The following HOMER2 variants were observed in gnomAD, a reference collection of about 807,000 sequenced individuals.
HOMER2 encodes homer scaffold protein 2, also known as homer protein homolog 2.
HOMER2 carries 27 observed loss-of-function variants against 47.0 expected under a neutral mutation model. The observed-to-expected ratio is 0.57, with a 90% CI of 0.42 to 0.79. HOMER2 has a LOEUF of 0.79. Ranked by LOEUF, HOMER2 falls within the 30% of genes least tolerant of loss-of-function variation. The probability of loss-of-function intolerance (pLI) is 0.00; values close to 1 mark genes in which losing one functional copy is unlikely to be tolerated. For synonymous variants in HOMER2, 161 were observed against 163.8 expected, an observed-to-expected ratio of 0.98 and a Z score of 0.13; for missense variants, 443 against 435.0, an observed-to-expected ratio of 1.02 and a Z score of -0.16.
chr15:82,921,750 C>A (rs2053734063), intron 1 of HOMER2, among the ~76,000 whole-genome samples: 1 of 152,160 alleles, frequency 6.6e-6, no homozygotes, highest in East Asian at 1.9e-4. Flanking sequence ...GGTCAGCTAC[C>A]CCAACTCCCT....
At chr15:82,960,548 T>C (rs1326293157) in intron 1 of HOMER2, among the ~76,000 whole-genome samples, 2 of 152,194 alleles carry the variant, frequency 1.3e-5, no homozygotes, top group Admixed American at 6.5e-5. Context: ...GAATTAAATA[T>C]CAACTTTTTA....
intron 1 of HOMER2, among the ~76,000 whole-genome samples, chr15:82,979,206 G>T (rs998075421): frequency 2.0e-4 from 30 of 152,262 alleles, no homozygotes; most frequent in African/African-American, 7.2e-4. Context: ...ACCTAGTCTT[G>T]GGTATATCTT....
chr15:82,951,898 G>A (rs191338200), intron 1 of HOMER2: 9 of 242,036 alleles, frequency 3.7e-5, no homozygotes, highest in African/African-American at 1.4e-4. Context: ...GAGAGACGCC[G>A]AGGGGAAAGC....
intron 3 of HOMER2, among the ~76,000 whole-genome samples, chr15:82,874,795 T>C (rs953861863): frequency 4.6e-5 from 7 of 152,196 alleles, no homozygotes; most frequent in African/African-American, 1.7e-4. Flanking sequence ...AGGGGTAACA[T>C]GCTTATTTCA....
At chr15:82,846,709 G>A (rs2051254665), downstream of HOMER2, 1 of 152,204 alleles carries the variant, frequency 6.6e-6, no homozygotes, top group Non-Finnish European at 1.5e-5. Flanking sequence ...GTGATGGCAG[G>A]CAGGAGAGAT....
At chr15:82,969,984 G>A (rs1036760451) in intron 1 of HOMER2, among the ~76,000 whole-genome samples, 1 of 152,210 alleles carries the variant, frequency 6.6e-6, no homozygotes, top group Admixed American at 6.5e-5. Context: ...TGGATGAAAA[G>A]AGACCTAGGA....
intron 1 of HOMER2, among the ~76,000 whole-genome samples, chr15:82,942,513 T>C (rs2054286479): frequency 6.6e-6 from 1 of 152,180 alleles, no homozygotes. Context: ...ACTTCTCCAC[T>C]AGCCTGTAAG....
downstream of HOMER2, among the ~76,000 whole-genome samples, chr15:82,957,969 C>T (rs2054600128): frequency 6.6e-6 from 1 of 152,204 alleles, no homozygotes; most frequent in Admixed American, 6.5e-5. Context: ...TCCCAAGTAG[C>T]TCGGATTAGA....
intron 3 of HOMER2, among the ~76,000 whole-genome samples, chr15:82,874,914 G>A (rs2052298247): frequency 6.6e-6 from 1 of 152,200 alleles, no homozygotes; most frequent in African/African-American, 2.4e-5. Flanking sequence ...AATCCTCAGA[G>A]TCCTGAAAAC....
Position 82,952,593 on chromosome 15 carries a change from G to A in HOMER2, c.-58C>T, listed in dbSNP as rs1034694197. On this transcript the variant is annotated 5_prime_UTR_variant, in exon 1 of 9. Transcript: ENST00000450735. Reference sequence around the variant, plus strand: ...GGCCTCTCGCGCTCGCTCTCCGCCCGCTCGGCAGCCGCTCCCCGCGCGGCA... The same window carrying A: ...GGCCTCTCGCGCTCGCTCTCCGCCCACTCGGCAGCCGCTCCCCGCGCGGCA... The A allele has an allele frequency of 8.8e-6, 10 of 1,133,644 alleles. No individual in the cohort carries two copies. In the African/African-American group the frequency reaches 1.5e-4, roughly 17 times the overall value. 70.2% of individuals were successfully genotyped at this position (1,133,644 alleles called of 1,614,324 possible).
intron 1 of HOMER2, among the ~76,000 whole-genome samples, chr15:82,964,524 G>C (rs544708025): frequency 6.6e-6 from 1 of 152,358 alleles, no homozygotes; most frequent in African/African-American, 2.4e-5. Context: ...CCAACACTTT[G>C]GGAGGCCAAG....
chr15:82,980,610 C>T (rs973762437), intron 1 of HOMER2, among the ~76,000 whole-genome samples: 1 of 151,944 alleles, frequency 6.6e-6, no homozygotes, highest in African/African-American at 2.4e-5. Context: ...TTGTGGCCAC[C>T]CCTGACTGAC....
At chr15:82,947,587 A>C (rs79883913) in intron 1 of HOMER2, among the ~76,000 whole-genome samples, 6,222 of 152,340 alleles carry the variant, frequency 0.041, 395 homozygotes, top group African/African-American at 0.14. Context: ...AAATGACAGC[A>C]GACGGCCCGA....
At chr15:82,874,718 C>G (rs943599987) in intron 3 of HOMER2, among the ~76,000 whole-genome samples, 4 of 152,342 alleles carry the variant, frequency 2.6e-5, no homozygotes, top group Middle Eastern at 3.4e-3. Context: ...CCTTACTCCC[C>G]AAGAGCTCCA....
At chr15:82,897,004 A>G (rs1286311780) in intron 1 of HOMER2, among the ~76,000 whole-genome samples, 1 of 150,444 alleles carries the variant, frequency 6.6e-6, no homozygotes, top group Non-Finnish European at 1.5e-5. Context: ...GAACTCAGAG[A>G]GGCCAGGTAA....
intron 1 of HOMER2, among the ~76,000 whole-genome samples, chr15:82,905,681 A>G (rs1245685433): frequency 5.9e-5 from 9 of 152,214 alleles, no homozygotes; most frequent in Admixed American, 5.9e-4. Flanking sequence ...TGTTAAGAGA[A>G]AAAAGCACAC....
At chr15:82,907,962 C>CT (rs1489511009) in intron 1 of HOMER2, among the ~76,000 whole-genome samples, 2 of 152,046 alleles carry the variant, frequency 1.3e-5, no homozygotes, top group East Asian at 3.9e-4. Flanking sequence ...AAGGATGAAC[C>CT]TTGAAAACAT....
At chr15:82,968,645 A>G (rs1333782535) in intron 1 of HOMER2, among the ~76,000 whole-genome samples, 1 of 152,228 alleles carries the variant, frequency 6.6e-6, no homozygotes, top group African/African-American at 2.4e-5. Context: ...AGATCACCCT[A>G]TAACAGAACA....
intron 1 of HOMER2, among the ~76,000 whole-genome samples, chr15:82,948,521 C>T (rs2054432082): frequency 6.6e-6 from 1 of 152,172 alleles, no homozygotes; most frequent in Non-Finnish European, 1.5e-5. Flanking sequence ...AGAGACCGTG[C>T]CACTGCACTC....
Sources: allele counts gnomAD v4.1 joint callset (sites outside exome capture counted in the v4.1 genomes callset), GRCh38; gene constraint gnomAD v4.1.1; transcripts MANE v1.5; gene names NCBI Gene and HGNC (gene_info 2026-07-23, HGNC 2026-07-21).